DTNA: variants seen among roughly 807,000 people sequenced by gnomAD.
DTNA encodes the protein dystrobrevin alpha, also known as dystrophin-related protein 3.
In DTNA, 43 loss-of-function variants were observed where a neutral mutation model predicts 100.7. The observed-to-expected ratio is 0.43, with a 90% confidence interval of 0.33 to 0.55. DTNA has a LOEUF of 0.55. Among genes scored for constraint, DTNA ranks in the 20% least tolerant of loss-of-function variants. DTNA has a pLI of 0.04. For synonymous variants in DTNA, 349 were observed against 347.9 expected, an observed-to-expected ratio of 1.00 and a Z score of -0.04; for missense variants, 798 against 953.9, an observed-to-expected ratio of 0.84 and a Z score of 2.15.
chr18:34,609,839 G>A (rs1329364639), intron 1 of DTNA, among the ~76,000 whole-genome samples: 1 of 152,106 alleles, frequency 6.6e-6, no homozygotes, highest in African/African-American at 2.4e-5. Flanking sequence ...TTTTAACAAT[G>A]AAATATGCCA....
chr18:34,711,868 A>G (rs555495624), intron 1 of DTNA, among the ~76,000 whole-genome samples: 3 of 152,318 alleles, frequency 2.0e-5, no homozygotes, highest in African/African-American at 7.2e-5. Context: ...CAAAAGTACT[A>G]TAATAGCATC....
chr18:34,723,156 C>T (rs974400925), intron 1 of DTNA, among the ~76,000 whole-genome samples: 8 of 151,898 alleles, frequency 5.3e-5, no homozygotes, highest in African/African-American at 1.9e-4. Context: ...TTTTAAATTA[C>T]TGCAACTCAA....
At chr18:34,664,126 T>C (rs1033082032) in intron 1 of DTNA, among the ~76,000 whole-genome samples, 28 of 152,138 alleles carry the variant, frequency 1.8e-4, no homozygotes, top group Non-Finnish European at 2.8e-4. Context: ...CTCTACTATT[T>C]CAAACTACAA....
intron 1 of DTNA, among the ~76,000 whole-genome samples, chr18:34,677,691 T>TA (rs917114771): frequency 2.0e-5 from 3 of 152,124 alleles, no homozygotes; most frequent in African/African-American, 7.2e-5. Flanking sequence ...AATTTTTTTT[T>TA]AAAAAAGCAT....
chr18:34,778,560 G>A (rs11659971), intron 3 of DTNA, among the ~76,000 whole-genome samples: 16 of 151,838 alleles, frequency 1.1e-4, no homozygotes, highest in South Asian at 6.2e-4. Context: ...TCTCATCATC[G>A]CAAACAAAAA....
At chr18:34,588,174 A>G (rs557529067) in intron 1 of DTNA, among the ~76,000 whole-genome samples, 2 of 152,336 alleles carry the variant, frequency 1.3e-5, no homozygotes, top group African/African-American at 2.4e-5. Flanking sequence ...ATTCATGACT[A>G]TATCATGAAG....
At chr18:34,780,994 T>G (rs559867961) in intron 3 of DTNA, among the ~76,000 whole-genome samples, 73 of 152,234 alleles carry the variant, frequency 4.8e-4, no homozygotes, top group African/African-American at 1.5e-3. Flanking sequence ...CATGTGTGAG[T>G]GGTAGCTAAG....
At chr18:34,666,012 T>C (rs866036235) in intron 1 of DTNA, among the ~76,000 whole-genome samples, 9 of 152,228 alleles carry the variant, frequency 5.9e-5, no homozygotes, top group Admixed American at 5.9e-4. Context: ...TCTTCCACAA[T>C]GGTTAAACTA....
chr18:34,826,246 C>A lies in DTNA; in HGVS notation c.1002-1347C>A, dbSNP rs549307297. ...TTTTATTTTTTTATTTTTATTTTTCCATAAGTTATTGGGGTACAGGTGGCA... is the reference window on the plus strand; with the variant it reads ...TTTTATTTTTTTATTTTTATTTTTCAATAAGTTATTGGGGTACAGGTGGCA... On this transcript the variant is annotated intron_variant, in intron 9 of 22. Transcript: ENST00000444659. 6.8e-4 allele frequency among the ~76,000 whole-genome samples: 103 copies of A among 151,310 alleles called. 1 individual carries two copies. The South Asian group carries it at 0.02, about 29-fold the overall frequency.
intron 1 of DTNA, chr18:34,593,684 A>G (rs1421631752): frequency 6.6e-6 from 1 of 152,186 alleles, no homozygotes; most frequent in African/African-American, 2.4e-5. Context: ...GGTATTTTAC[A>G]TTTTGTGCAG....
chr18:34,733,949 T>A (rs2088927155), intron 1 of DTNA, among the ~76,000 whole-genome samples: 1 of 152,208 alleles, frequency 6.6e-6, no homozygotes, highest in African/African-American at 2.4e-5. Context: ...AATTAATAAA[T>A]TCAGCCTGAT....
intron 13 of DTNA, 74 bp from the exon 14 acceptor site, chr18:34,848,222 C>T: frequency 6.9e-7 from 1 of 1,444,848 alleles, no homozygotes; most frequent in Admixed American, 1.7e-5. Context: ...ATAGTAAAAA[C>T]TCCTTGTGGT....
At chr18:34,786,815 A>C (rs2094525596) in intron 3 of DTNA, among the ~76,000 whole-genome samples, 1 of 152,190 alleles carries the variant, frequency 6.6e-6, no homozygotes, top group African/African-American at 2.4e-5. Flanking sequence ...AATAATATGT[A>C]TATATATCCT....
intron 1 of DTNA, among the ~76,000 whole-genome samples, chr18:34,662,532 A>C (rs2075345003): frequency 6.6e-6 from 1 of 152,198 alleles, no homozygotes; most frequent in African/African-American, 2.4e-5. Context: ...TGTGAGGGAC[A>C]AAAATCTCAG....
At chr18:34,585,095 G>A (rs2048994923) in intron 1 of DTNA, among the ~76,000 whole-genome samples, 1 of 152,030 alleles carries the variant, frequency 6.6e-6, no homozygotes, top group Non-Finnish European at 1.5e-5. Context: ...ATCTTTCTCA[G>A]GAAGCTACTG....
At chr18:34,652,559 T>C (rs1187743949) in intron 1 of DTNA, among the ~76,000 whole-genome samples, 2 of 152,258 alleles carry the variant, frequency 1.3e-5, no homozygotes, top group South Asian at 2.1e-4. Context: ...ACCCTTCCAA[T>C]GTCTTTTCAT....
At chr18:34,725,986 C>G (rs376987486) in intron 1 of DTNA, among the ~76,000 whole-genome samples, 5 of 151,994 alleles carry the variant, frequency 3.3e-5, no homozygotes, top group Non-Finnish European at 5.9e-5. Flanking sequence ...TTCTCAGCAA[C>G]GTAACAGAAG....
chr18:34,553,560 G>A (rs566551594), intron 1 of DTNA, among the ~76,000 whole-genome samples: 97 of 152,144 alleles, frequency 6.4e-4, no homozygotes, highest in African/African-American at 2.2e-3. Context: ...TTTTGTATAA[G>A]GTGTAAGGAA....
intron 1 of DTNA, among the ~76,000 whole-genome samples, chr18:34,507,543 A>G (rs1321173722): frequency 6.6e-6 from 1 of 152,130 alleles, no homozygotes; most frequent in African/African-American, 2.4e-5. Context: ...CTTGAAACCA[A>G]TATGCTGAGG....
Sources: allele counts gnomAD v4.1 joint callset (sites outside exome capture counted in the v4.1 genomes callset), GRCh38; gene constraint gnomAD v4.1.1; transcripts MANE v1.5; gene names NCBI Gene and HGNC (gene_info 2026-07-23, HGNC 2026-07-21).